The following PLA2G5 variants were observed in gnomAD, a reference collection of about 807,000 sequenced individuals.
The protein encoded by PLA2G5 is Ca2+-dependent phospholipase A2.
In PLA2G5, 12 loss-of-function variants were observed where a neutral mutation model predicts 15.9. The ratio of observed to expected loss-of-function variants is 0.76; its 90% CI spans 0.48 to 1.23. The LOEUF (loss-of-function observed/expected upper bound fraction) is 1.23. Ranked by LOEUF, PLA2G5 falls within the 50% of genes most tolerant of loss-of-function variation. The probability of loss-of-function intolerance (pLI) is 0.00; values close to 1 mark genes in which losing one functional copy is unlikely to be tolerated. For missense variants in PLA2G5, 169 were observed against 177.1 expected (o/e 0.95, Z 0.26); for synonymous variants, 71 against 71.4 (o/e 0.99, Z 0.03).
Position 20,090,718 on chromosome 1 carries a change from C to A in PLA2G5, c.*26C>A. 1 of 1,612,566 alleles carries A rather than the reference C, an allele frequency of 6.2e-7. No homozygotes were observed. The highest frequency in any genetic ancestry group is 8.5e-7 in the Non-Finnish European group (1 of 1,178,610). ...GCCTCCCCAGCGAGCTCCTCCCAGA[C>A]CAAGACTTTTGTTCTGTTTTTCTAC... is the stretch of plus-strand genomic sequence containing the variant. On this transcript the variant is annotated 3_prime_UTR_variant, in exon 5 of 5. Transcript: ENST00000375108.
At chr1:20,047,498 C>T (rs1033801120) in intron 1 of PLA2G5, among the ~76,000 whole-genome samples, 3 of 152,100 alleles carry the variant, frequency 2.0e-5, no homozygotes, top group African/African-American at 7.2e-5. Context: ...TCTTTGTGCA[C>T]ATTTACATTG....
intron 1 of PLA2G5, among the ~76,000 whole-genome samples, chr1:20,053,570 C>CGG (rs60259205): frequency 0.014 from 1,419 of 97,928 alleles, 40 homozygotes; most frequent in African/African-American, 0.048. Context: ...TATTACTTTG[C>CGG]GGGGGGGGGG....
chr1:20,083,964 T>A (rs2016162979), intron 1 of PLA2G5, among the ~76,000 whole-genome samples: 2 of 152,048 alleles, frequency 1.3e-5, no homozygotes, highest in Non-Finnish European at 2.9e-5. Context: ...CTTAATTTTA[T>A]AAATTCTTTT....
At chr1:20,069,514 A>G (rs182493721), upstream of PLA2G5, among the ~76,000 whole-genome samples, 26 of 152,210 alleles carry the variant, frequency 1.7e-4, no homozygotes, top group Admixed American at 1.2e-3. Flanking sequence ...TCCACAAAAA[A>G]TACAAAAAAT....
At chr1:20,061,215 T>C (rs1386228906) in intron 2 of PLA2G5, among the ~76,000 whole-genome samples, 1 of 152,176 alleles carries the variant, frequency 6.6e-6, no homozygotes, top group African/African-American at 2.4e-5. Flanking sequence ...TGTTTTCTAC[T>C]TTAAGAATTG....
chr1:20,030,669 G>A (rs1011508526), intron 1 of PLA2G5, among the ~76,000 whole-genome samples: 1 of 152,168 alleles, frequency 6.6e-6, no homozygotes, highest in South Asian at 2.1e-4. Flanking sequence ...TCTCAGTGGG[G>A]AGAATCCTTG....
chr1:20,086,535 C>A (rs1474576288), intron 3 of PLA2G5, among the ~76,000 whole-genome samples: 1 of 152,184 alleles, frequency 6.6e-6, no homozygotes, highest in Admixed American at 6.5e-5. Context: ...GCTTGGACAA[C>A]TGAGGCTGGA....
At chr1:20,059,138 A>G (rs1169372424) in intron 1 of PLA2G5, among the ~76,000 whole-genome samples, 1 of 151,570 alleles carries the variant, frequency 6.6e-6, no homozygotes, top group African/African-American at 2.4e-5. Flanking sequence ...AAAAAAAAAA[A>G]AAGGGCTCAC....
intron 1 of PLA2G5, among the ~76,000 whole-genome samples, chr1:20,049,775 G>C (rs1007533456): frequency 6.6e-6 from 1 of 152,176 alleles, no homozygotes; most frequent in African/African-American, 2.4e-5. Context: ...TCTCAGGTAT[G>C]TCTTTATTGC....
intron 1 of PLA2G5, among the ~76,000 whole-genome samples, chr1:20,032,183 T>A (rs2012991981): frequency 6.6e-6 from 1 of 152,132 alleles, no homozygotes; most frequent in African/African-American, 2.4e-5. Context: ...ACCTGAAGAT[T>A]GGTGGTGATA....
intron 1 of PLA2G5, among the ~76,000 whole-genome samples, chr1:20,084,177 A>T (rs2100612518): frequency 1.3e-5 from 2 of 149,496 alleles, no homozygotes; most frequent in East Asian, 3.9e-4. Flanking sequence ...CCACTGGCAC[A>T]TTGTGGGAGC....
intron 1 of PLA2G5, among the ~76,000 whole-genome samples, chr1:20,081,117 C>T (rs1353992756): frequency 6.6e-6 from 1 of 151,828 alleles, no homozygotes; most frequent in Non-Finnish European, 1.5e-5. Flanking sequence ...TTCCTATGGG[C>T]TGTCCGTCTC....
intron 1 of PLA2G5, among the ~76,000 whole-genome samples, chr1:20,051,080 A>T (rs2014158312): frequency 6.6e-6 from 1 of 152,126 alleles, no homozygotes; most frequent in African/African-American, 2.4e-5. Context: ...ATGTTATGTT[A>T]ATTAGTTATG....
At chr1:20,066,317 C>T (rs145764748), upstream of PLA2G5, among the ~76,000 whole-genome samples, 30 of 152,298 alleles carry the variant, frequency 2.0e-4, no homozygotes, top group African/African-American at 7.2e-4. Flanking sequence ...ATTTTGGACA[C>T]AAGTCCTTTA....
intron 2 of PLA2G5, among the ~76,000 whole-genome samples, chr1:20,062,659 A>C (rs1317354345): frequency 6.6e-6 from 1 of 152,050 alleles, no homozygotes; most frequent in Non-Finnish European, 1.5e-5. Flanking sequence ...CAAACCACCA[A>C]AATTCAGAGG....
intron 1 of PLA2G5, among the ~76,000 whole-genome samples, chr1:20,074,670 G>A (rs956810832): frequency 1.3e-5 from 2 of 152,148 alleles, no homozygotes; most frequent in African/African-American, 4.8e-5. Context: ...GTGCCTTCCG[G>A]GGAGAGGAAA....
Position 20,086,167 on chromosome 1 carries a change from G to T in PLA2G5, c.125G>T (p.Gly42Val), listed in dbSNP as rs1557755634. Reference protein sequence around the residue: ...VTGKNALTNYGFYGCYCGWGG... With the variant: ...VTGKNALTNYVFYGCYCGWGG... Reference sequence around the variant, plus strand: ...GGGAAGAACGCCCTGACAAACTACGGCTTCTACGGCTGTTACTGCGGCTGG... The same window carrying T: ...GGGAAGAACGCCCTGACAAACTACGTCTTCTACGGCTGTTACTGCGGCTGG... Residue 42 changes from glycine (G) to valine (V), a missense_variant, in exon 3 of 5, where the codon GGC becomes GTC. Physicochemically the swap from Gly to Val is moderately radical, Grantham distance 109. Coordinates refer to ENST00000375108, the MANE Select transcript of PLA2G5 (RefSeq NM_000929.3). The T allele has an allele frequency of 1.9e-6, 3 of 1,614,152 alleles. No homozygotes were observed. Among genetic ancestry groups the T allele is most frequent in the Non-Finnish European group, 2.5e-6 (3 of 1,180,010 alleles).
intron 1 of PLA2G5, among the ~76,000 whole-genome samples, chr1:20,040,339 A>G (rs1464866448): frequency 6.6e-6 from 1 of 152,126 alleles, no homozygotes; most frequent in Non-Finnish European, 1.5e-5. Context: ...CATCTTACTT[A>G]TGTGCATCTC....
chr1:20,089,842 A>G lies in PLA2G5; in HGVS notation c.239A>G (p.Asn80Ser), dbSNP rs1183117769. Residue 80 changes from asparagine to serine, a missense_variant, in exon 4 of 5, where the codon AAC (asparagine) becomes AGC (serine). Asn to Ser is a conservative substitution (Grantham distance 46). Transcript: ENST00000375108. ...GGGCGGCTGGAGGAGAAGGGCTGCA[A>G]CATTCGCACACAGTCCTACAAATAC... ...CYGRLEEKGCNIRTQSYKYRF... is the reference protein window; with the variant it reads ...CYGRLEEKGCSIRTQSYKYRF... The G allele has an allele frequency of 1.2e-6, 2 of 1,614,162 alleles. No individual in the cohort carries two copies.
Sources: gnomAD v4.1 joint callset for allele counts (sites outside exome capture counted in the v4.1 genomes callset) on GRCh38, gnomAD v4.1.1 for gene constraint, MANE v1.5 for transcripts, NCBI Gene and HGNC (gene_info 2026-07-23, HGNC 2026-07-21) for gene names.